Variants in EML4 observed in about 807,000 individuals in gnomAD.
EML4 encodes the protein echinoderm microtubule-associated protein-like 4.
Under a neutral mutation model 129.0 loss-of-function variants are expected in EML4, and 72 were observed. That is an observed-to-expected ratio of 0.56 (90% CI 0.46 to 0.68). EML4 has a LOEUF of 0.68. Ranked by LOEUF, EML4 falls within the 30% of genes least tolerant of loss-of-function variation. The pLI is 0.00. For synonymous variants in EML4, 532 were observed against 405.0 expected (o/e 1.31, Z -3.77); for missense variants, 1,363 against 1,190.6 (o/e 1.14, Z -2.13).
intron 1 of EML4, among the ~76,000 whole-genome samples, chr2:42,182,899 A>T (rs1180055640): frequency 1.3e-5 from 2 of 152,106 alleles, no homozygotes; most frequent in African/African-American, 4.8e-5. Flanking sequence ...GTGTGTACAT[A>T]TCACTGGTGC....
At chr2:42,250,962 C>T (rs1056497262) in intron 2 of EML4, among the ~76,000 whole-genome samples, 1 of 152,160 alleles carries the variant, frequency 6.6e-6, no homozygotes, top group Non-Finnish European at 1.5e-5. Flanking sequence ...CAACCTAGAT[C>T]CCTCACATGT....
intron 1 of EML4, among the ~76,000 whole-genome samples, chr2:42,203,739 T>A (rs1171183892): frequency 6.6e-6 from 1 of 151,342 alleles, no homozygotes; most frequent in South Asian, 2.1e-4. Context: ...AGAGGATTAA[T>A]TGATAATATA....
In EML4 at chr2:42,330,212, C is replaced by T. The variant is rs1274899392; in HGVS notation, c.*5C>T. 1 of 1,612,100 alleles carries T rather than the reference C, an allele frequency of 6.2e-7. No individual in the cohort carries two copies. On this transcript the variant is annotated 3_prime_UTR_variant, in exon 23 of 23. Coordinates refer to ENST00000318522, the MANE Select transcript of EML4 (RefSeq NM_019063.5). ...GACCCTTCGCCCTCGTCCTAACACC[C>T]TGGCTTCAGTGCAACTCTTTTCCTT...
intron 6 of EML4, among the ~76,000 whole-genome samples, chr2:42,270,759 T>C (rs1666319610): frequency 6.6e-6 from 1 of 152,236 alleles, no homozygotes; most frequent in South Asian, 2.1e-4. Flanking sequence ...ACAGATTCTT[T>C]CCTTTTTACC....
chr2:42,203,669 C>T (rs1355968657), intron 1 of EML4, among the ~76,000 whole-genome samples: 1 of 149,738 alleles, frequency 6.7e-6, no homozygotes, highest in African/African-American at 2.4e-5. Context: ...GTTCCCTCCC[C>T]CCACATATTT....
chr2:42,198,394 A>G (rs534305885), intron 1 of EML4, among the ~76,000 whole-genome samples: 2 of 152,214 alleles, frequency 1.3e-5, no homozygotes, highest in Admixed American at 1.3e-4. Context: ...GTTTAACTCA[A>G]GAGGCACCTG....
intron 19 of EML4, chr2:42,325,245 A>G (rs754409863): frequency 6.7e-6 from 4 of 598,224 alleles, no homozygotes; most frequent in Non-Finnish European, 1.3e-5. Flanking sequence ...TACAGGTAGT[A>G]GGTGCTAGTT....
intron 1 of EML4, among the ~76,000 whole-genome samples, chr2:42,189,054 A>G (rs1051423087): frequency 2.0e-5 from 3 of 151,954 alleles, no homozygotes; most frequent in South Asian, 2.1e-4. Context: ...TTTTTAAGAG[A>G]TGGGATTTCA....
chr2:42,192,541 A>C (rs868624551), intron 1 of EML4, among the ~76,000 whole-genome samples: 2 of 151,976 alleles, frequency 1.3e-5, no homozygotes, highest in African/African-American at 4.8e-5. Context: ...TGCCCAGCCT[A>C]CTGTTTTCTT....
In EML4 at chr2:42,256,635, C is replaced by T. The variant is rs756048433; in HGVS notation, c.338+5C>T. On this transcript the variant is annotated splice_donor_5th_base_variant and intron_variant, in intron 3 of 22. Coordinates refer to ENST00000318522, the MANE Select transcript of EML4 (RefSeq NM_019063.5). ...TCTTTCATCTGCTGCTAAAAGGTAC[C>T]CATTTATGAAAGGGGGAAAAACTAA... 1.9e-6 allele frequency: 3 copies of T among 1,612,648 alleles called. No individual in the cohort carries two copies. In the Admixed American group the frequency reaches 5.0e-5, roughly 27 times the overall value.
chr2:42,283,707 T>A (rs1667139974), intron 8 of EML4, among the ~76,000 whole-genome samples: 1 of 152,184 alleles, frequency 6.6e-6, no homozygotes, highest in South Asian at 2.1e-4. Flanking sequence ...ATTAAAATAT[T>A]GCCTTTTACA....
At chr2:42,230,520 C>T (rs1488300433) in intron 1 of EML4, among the ~76,000 whole-genome samples, 1 of 152,164 alleles carries the variant, frequency 6.6e-6, no homozygotes, top group East Asian at 1.9e-4. Context: ...GATTCTCCTG[C>T]CTCAGCCTCC....
At chr2:42,288,189 A>G (rs572435524) in intron 10 of EML4, 38 bp from the exon 11 acceptor site, 8 of 854,798 alleles carry the variant, frequency 9.4e-6, no homozygotes, top group Non-Finnish European at 9.4e-6. Context: ...TAGCCCTATC[A>G]GTGAATTTTA....
In EML4 at chr2:42,264,690, T is replaced by G; in HGVS notation, c.642-16T>G. On this transcript the variant is annotated splice_polypyrimidine_tract_variant and intron_variant, in intron 5 of 22. Transcript: ENST00000318522. ...AAACTTATAAAATAAATGTGTTTCTTAAATTTCTTTTCTAGGCATAAAGAT... is the reference window on the plus strand; with the variant it reads ...AAACTTATAAAATAAATGTGTTTCTGAAATTTCTTTTCTAGGCATAAAGAT... 1 of 1,364,300 alleles carries G rather than the reference T, an allele frequency of 7.3e-7. No individual in the cohort carries two copies. The highest frequency in any genetic ancestry group is 1.0e-6 in the Non-Finnish European group (1 of 968,540). 84.5% of individuals were successfully genotyped at this position (1,364,300 alleles called of 1,614,324 possible).
intron 6 of EML4, among the ~76,000 whole-genome samples, chr2:42,267,961 T>A (rs1185715163): frequency 6.6e-6 from 1 of 152,122 alleles, no homozygotes; most frequent in Non-Finnish European, 1.5e-5. Context: ...CTTTGGTGAG[T>A]TACTGATTTT....
chr2:42,213,614 A>G (rs1011488922), intron 1 of EML4, among the ~76,000 whole-genome samples: 1 of 152,236 alleles, frequency 6.6e-6, no homozygotes. Context: ...GTGTGCCTCA[A>G]CTTTGTTAGC....
In EML4 at chr2:42,295,232, A is replaced by G. The variant is rs758840615; in HGVS notation, c.1326A>G (p.Ser442=). The change falls in exon 12 of 23, where the codon TCA becomes TCG. Residue 442 remains serine, a synonymous_variant. Coordinates refer to ENST00000318522, the MANE Select transcript of EML4 (RefSeq NM_019063.5). ...HIFFWTWSGN[S]LTRKQGIFGK... ...TCTTCTGGACCTGGAGCGGCAATTC[A>G]CTAACAAGAAAACAGGGAATTTTTG... 24 of 1,613,636 alleles carry G rather than the reference A, an allele frequency of 1.5e-5. 1 individual carries two copies. Among genetic ancestry groups the G allele is most frequent in the Middle Eastern group, 1.6e-4 (1 of 6,080 alleles).
At chr2:42,274,156 T>C (rs1666527301) in intron 6 of EML4, among the ~76,000 whole-genome samples, 2 of 152,202 alleles carry the variant, frequency 1.3e-5, no homozygotes, top group African/African-American at 2.4e-5. Flanking sequence ...GTAAAGATTC[T>C]TTAAGTTTCT....
At chr2:42,187,173 A>C (rs1671304630) in intron 1 of EML4, among the ~76,000 whole-genome samples, 1 of 151,732 alleles carries the variant, frequency 6.6e-6, no homozygotes. Context: ...CCTCCCAAGT[A>C]GCTGGGACTA....
Sources: allele counts gnomAD v4.1 joint callset (sites outside exome capture counted in the v4.1 genomes callset), GRCh38; gene constraint gnomAD v4.1.1; transcripts MANE v1.5; gene names NCBI Gene and HGNC (gene_info 2026-07-23, HGNC 2026-07-21).